SIDT1: variants seen among roughly 807,000 people sequenced by gnomAD.
SIDT1 encodes the protein SID1 transmembrane family member 1.
Under a neutral mutation model 107.5 loss-of-function variants are expected in SIDT1, and 101 were observed. That is an observed-to-expected ratio of 0.94 (90% CI 0.80 to 1.11). The LOEUF is 1.11. Ranked by LOEUF, SIDT1 falls within the 50% of genes least tolerant of loss-of-function variation. SIDT1 has a pLI of 0.00. For synonymous variants in SIDT1, 395 were observed against 398.2 expected (o/e 0.99, Z 0.10); for missense variants, 1,076 against 1,058.2 (o/e 1.02, Z -0.23).
intron 9 of SIDT1, chr3:113,590,086 G>C (rs953558845): frequency 2.0e-5 from 3 of 152,360 alleles, no homozygotes; most frequent in Non-Finnish European, 4.4e-5. Flanking sequence ...TGGAGAAGCT[G>C]CTTTAGATTA....
intron 21 of SIDT1, among the ~76,000 whole-genome samples, chr3:113,622,444 A>T (rs1270458689): frequency 2.2e-5 from 3 of 136,822 alleles, no homozygotes; most frequent in Non-Finnish European, 4.6e-5. Context: ...AGCCTGGGCA[A>T]CACAGTGAGA....
intron 1 of SIDT1, among the ~76,000 whole-genome samples, chr3:113,540,357 C>T (rs1452240733): frequency 6.6e-6 from 1 of 152,190 alleles, no homozygotes; most frequent in East Asian, 1.9e-4. Context: ...GGACAAACAT[C>T]CAACTACAGC....
chr3:113,636,590 A>G, the SIDT1 span, among the ~76,000 whole-genome samples: 1 of 152,220 alleles, frequency 6.6e-6, no homozygotes, highest in African/African-American at 2.4e-5. Flanking sequence ...GAATGTGATT[A>G]AGCAGTGTAA....
chr3:113,578,541 A>G (rs2107493076), intron 4 of SIDT1, among the ~76,000 whole-genome samples: 1 of 151,886 alleles, frequency 6.6e-6, no homozygotes, highest in East Asian at 1.9e-4. Flanking sequence ...AGTCCTGTAC[A>G]GAGCTATAAT....
At position 113,612,205 on chromosome 3, in the gene SIDT1, T is replaced by G. The variant is rs1439013853; in HGVS notation, c.1966+11T>G. On this transcript the variant is annotated intron_variant, in intron 19 of 24. Transcript: ENST00000264852. ...GTCGTTTCAAGATAGGTGAGTCACCTGTTAATTCTATACTAATCACACGAA... is the reference window on the plus strand; with the variant it reads ...GTCGTTTCAAGATAGGTGAGTCACCGGTTAATTCTATACTAATCACACGAA... 2 of 1,559,782 alleles carry G rather than the reference T, an allele frequency of 1.3e-6. No homozygotes were observed. Among genetic ancestry groups the G allele is most frequent in the Admixed American group, 1.7e-5 (1 of 59,936 alleles).
Position 113,566,518 on chromosome 3 carries a change from G to A in SIDT1, c.321G>A (p.Gln107=). 3.1e-6 allele frequency: 5 copies of A among 1,614,062 alleles called. No individual in the cohort carries two copies. The highest frequency in any genetic ancestry group is 4.2e-6 in the Non-Finnish European group (5 of 1,179,966). Residue 107 remains glutamine (Q), a synonymous_variant, in exon 2 of 25, where the codon CAG becomes CAA. Transcript: ENST00000264852. The part of the protein sequence containing the change: ...VRQQKEVLSW[Q]VPLLFQGLYQ... ...AGCAGAAAGAGGTGCTGTCCTGGCAGGTTCCTCTGCTCTTCCAAGGACTGT... is the reference window on the plus strand; with the variant it reads ...AGCAGAAAGAGGTGCTGTCCTGGCAAGTTCCTCTGCTCTTCCAAGGACTGT...
chr3:113,561,808 C>T (rs1004374824), intron 1 of SIDT1, among the ~76,000 whole-genome samples: 1 of 151,994 alleles, frequency 6.6e-6, no homozygotes, highest in Non-Finnish European at 1.5e-5. Context: ...AAATCTTTGC[C>T]TTAGATCAAA....
At chr3:113,614,671 G>A (rs1945981440) in intron 19 of SIDT1, among the ~76,000 whole-genome samples, 1 of 152,160 alleles carries the variant, frequency 6.6e-6, no homozygotes, top group Non-Finnish European at 1.5e-5. Context: ...CAGCAATGAG[G>A]AAAAACATTT....
intron 3 of SIDT1, among the ~76,000 whole-genome samples, chr3:113,571,231 A>G (rs913284890): frequency 6.6e-6 from 1 of 152,094 alleles, no homozygotes; most frequent in Non-Finnish European, 1.5e-5. Context: ...AGACTGGCCT[A>G]GGCAACATAG....
chr3:113,618,405 G>T lies in SIDT1; in HGVS notation c.2044-1275G>T, dbSNP rs149743876. Among the ~76,000 whole-genome samples, 341 of 152,306 alleles carry T rather than the reference G, an allele frequency of 2.2e-3. 1 individual carries two copies. The highest frequency in any genetic ancestry group is 5.3e-3 in the Admixed American group (81 of 15,296). On this transcript the variant is annotated intron_variant, in intron 20 of 24. Transcript: ENST00000264852. ...ATAACACTCATGTGTAAGTTTTTGT[G>T]TGGACGTAAGTTTTCAACTCCTTTT...
At chr3:113,558,741 C>G (rs138825933) in intron 1 of SIDT1, among the ~76,000 whole-genome samples, 1 of 152,298 alleles carries the variant, frequency 6.6e-6, no homozygotes, top group East Asian at 1.9e-4. Context: ...TTGTTTCCAA[C>G]CCAGGAGACT....
intron 13 of SIDT1, 83 bp downstream of exon 13, chr3:113,604,116 G>A (rs1343446873): frequency 4.4e-5 from 42 of 959,788 alleles, no homozygotes; most frequent in Middle Eastern, 2.7e-4. Context: ...TAGGCACAAG[G>A]TTTTAGTGTT....
rs1937615955 is a variant in SIDT1, at chr3:113,532,794, C to T, written c.-228C>T. ...CCCACATCTCCACTTCTCCAGTCCG[C>T]CCTACTCTCCACCCGTGACCTCCAG... On this transcript the variant is annotated 5_prime_UTR_variant, in exon 1 of 25. Coordinates refer to ENST00000264852, the MANE Select transcript of SIDT1 (RefSeq NM_017699.3). 5 of 390,698 alleles carry T rather than the reference C, an allele frequency of 1.3e-5. 2 individuals are homozygous for T. In the East Asian group the frequency reaches 1.9e-4, roughly 15 times the overall value. The allele number at this position is 390,698 out of a possible 1,614,324, so 24.2% of individuals were successfully genotyped here.
intron 9 of SIDT1, among the ~76,000 whole-genome samples, chr3:113,587,423 T>C (rs1459498883): frequency 6.6e-6 from 1 of 152,130 alleles, no homozygotes; most frequent in East Asian, 1.9e-4. Context: ...CTGGAAAGTA[T>C]ACATTAACTG....
downstream of SIDT1, among the ~76,000 whole-genome samples, chr3:113,633,598 G>A (rs1414024263): frequency 6.6e-6 from 1 of 152,168 alleles, no homozygotes; most frequent in Non-Finnish European, 1.5e-5. Context: ...AAATGAGACT[G>A]GATTGGGACA....
downstream of SIDT1, among the ~76,000 whole-genome samples, chr3:113,632,041 G>GTTCATTTA (rs1947098633): frequency 6.6e-6 from 1 of 151,886 alleles, no homozygotes; most frequent in South Asian, 2.1e-4. Context: ...TCATTTCACT[G>GTTCATTTA]GAGATGAACA....
intron 1 of SIDT1, among the ~76,000 whole-genome samples, chr3:113,565,692 G>T (rs1451999020): frequency 6.6e-6 from 1 of 152,202 alleles, no homozygotes; most frequent in Admixed American, 6.5e-5. Context: ...AAAGCATTTT[G>T]TGTCAAGGAT....
At chr3:113,585,123 G>T in intron 8 of SIDT1, 54 bp from the exon 9 acceptor site, 1 of 1,229,812 alleles carries the variant, frequency 8.1e-7, no homozygotes, top group South Asian at 1.2e-5. Flanking sequence ...GTCTCAGATG[G>T]AGTCTTCTTT....
chr3:113,587,440 A>C (rs1943824313), intron 9 of SIDT1, among the ~76,000 whole-genome samples: 1 of 152,228 alleles, frequency 6.6e-6, no homozygotes, highest in Non-Finnish European at 1.5e-5. Context: ...ACTGATTAGC[A>C]GCTCAATTAA....
Sources: gnomAD v4.1 joint callset for allele counts (sites outside exome capture counted in the v4.1 genomes callset) on GRCh38, gnomAD v4.1.1 for gene constraint, MANE v1.5 for transcripts, NCBI Gene and HGNC (gene_info 2026-07-23, HGNC 2026-07-21) for gene names.